TMEM71: variants seen among roughly 807,000 people sequenced by gnomAD.
TMEM71 encodes the protein transmembrane protein 71.
TMEM71 carries 44 observed loss-of-function variants against 38.0 expected under a neutral mutation model. That is an observed-to-expected ratio of 1.16 (90% CI 0.91 to 1.49). TMEM71 has a LOEUF of 1.49. Among genes scored for constraint, TMEM71 ranks in the 40% most tolerant of loss-of-function variants. The pLI, the probability that TMEM71 is intolerant of heterozygous loss-of-function variation, is 0.00. For missense variants in TMEM71, 367 were observed against 348.6 expected, an observed-to-expected ratio of 1.05 and a Z score of -0.42; for synonymous variants, 133 against 122.5, an observed-to-expected ratio of 1.09 and a Z score of -0.56.
Position 132,751,479 on chromosome 8 carries a change from C to T in TMEM71, c.314+306G>A, listed in dbSNP as rs117369391. Among the ~76,000 whole-genome samples, 704 of 152,336 alleles carry T rather than the reference C, an allele frequency of 4.6e-3. 2 individuals are homozygous for T. Among genetic ancestry groups the T allele is most frequent in the Non-Finnish European group, 7.9e-3 (535 of 68,030 alleles). ...CCTGACGGGTTTCTATCCTGGCACC[C>T]GTATTATTTCATTGCTTTCATTTGT... On this transcript the variant is annotated intron_variant, in intron 4 of 9. Coordinates refer to ENST00000677595, the MANE Select transcript of TMEM71 (RefSeq NM_001382403.1).
At chr8:132,719,557 C>A (rs1237184029) in intron 7 of TMEM71, among the ~76,000 whole-genome samples, 2 of 152,188 alleles carry the variant, frequency 1.3e-5, no homozygotes, top group Non-Finnish European at 2.9e-5. Flanking sequence ...TCCAAGCATT[C>A]TGTATGAGGC....
Position 132,710,776 on chromosome 8 carries a change from A to G in TMEM71, c.*191T>C, listed in dbSNP as rs1457845131. ...GGGAAGGCAAATTAATATTATTTTCATGAGCATATTATAATTTTGATGGAA... is the reference window on the plus strand; with the variant it reads ...GGGAAGGCAAATTAATATTATTTTCGTGAGCATATTATAATTTTGATGGAA... On this transcript the variant is annotated 3_prime_UTR_variant, in exon 10 of 10. Transcript: ENST00000677595. 1 of 615,056 alleles carries G rather than the reference A, an allele frequency of 1.6e-6. No individual in the cohort carries two copies. The highest frequency in any genetic ancestry group is 1.9e-5 in the African/African-American group (1 of 52,224). 38.1% of individuals were successfully genotyped at this position (615,056 alleles called of 1,614,324 possible).
chr8:132,721,639 C>T (rs866442988), intron 7 of TMEM71, among the ~76,000 whole-genome samples: 10 of 151,530 alleles, frequency 6.6e-5, no homozygotes, highest in South Asian at 2.1e-4. Flanking sequence ...CTCTGCCTCC[C>T]GGGTTCAAGC....
chr8:132,775,988 C>A, the TMEM71 span, among the ~76,000 whole-genome samples: 1 of 152,276 alleles, frequency 6.6e-6, no homozygotes, highest in Non-Finnish European at 1.5e-5. Context: ...CATTGTCGGT[C>A]TCTATGTCTT....
chr8:132,725,557 A>G (rs1055321694), intron 6 of TMEM71, among the ~76,000 whole-genome samples: 2 of 152,222 alleles, frequency 1.3e-5, no homozygotes, highest in Non-Finnish European at 2.9e-5. Flanking sequence ...AAAATCTTCA[A>G]CTGATACAAC....
intron 7 of TMEM71, among the ~76,000 whole-genome samples, chr8:132,720,151 T>C (rs1243065090): frequency 6.6e-6 from 1 of 152,214 alleles, no homozygotes; most frequent in Non-Finnish European, 1.5e-5. Context: ...AACTTATCTC[T>C]GTTGATGCTG....
At chr8:132,775,536 C>T in the TMEM71 span, 19 of 371,850 alleles carry the variant, frequency 5.1e-5, no homozygotes, top group African/African-American at 2.9e-4. Context: ...GCTCCCTCCC[C>T]GGCCGCTGCC....
chr8:132,721,342 C>A (rs1826831074), intron 7 of TMEM71, among the ~76,000 whole-genome samples: 2 of 152,094 alleles, frequency 1.3e-5, no homozygotes, highest in Admixed American at 6.5e-5. Context: ...TATACAAATA[C>A]AATGGGAAGG....
At chr8:132,765,013 A>T (rs1829345705), upstream of TMEM71, among the ~76,000 whole-genome samples, 1 of 152,198 alleles carries the variant, frequency 6.6e-6, no homozygotes, top group African/African-American at 2.4e-5. Context: ...ACAGGCTACT[A>T]ATCTAGAAGG....
chr8:132,715,178 G>C (rs113188508), intron 7 of TMEM71, among the ~76,000 whole-genome samples: 16,851 of 151,708 alleles, frequency 0.11, 2,585 homozygotes, highest in African/African-American at 0.35. Flanking sequence ...AGGCCGAGGC[G>C]GGCGGATCAC....
chr8:132,719,974 G>A (rs543726530), intron 7 of TMEM71, among the ~76,000 whole-genome samples: 115 of 152,204 alleles, frequency 7.6e-4, no homozygotes, highest in African/African-American at 2.6e-3. Flanking sequence ...ACTTTCCCTG[G>A]TTTTGATGAC....
chr8:132,728,118 A>C, intron 5 of TMEM71, 132 bp from the exon 6 acceptor site: 4 of 641,120 alleles, frequency 6.2e-6, no homozygotes, highest in Non-Finnish European at 1.0e-5. Flanking sequence ...ACGGTATTGC[A>C]CTACCATAGT....
At chr8:132,735,961 C>T (rs1465163863) in intron 5 of TMEM71, among the ~76,000 whole-genome samples, 1 of 152,128 alleles carries the variant, frequency 6.6e-6, no homozygotes, top group Non-Finnish European at 1.5e-5. Context: ...GAAAATGTAA[C>T]CTTATTTAAT....
At chr8:132,738,599 C>CA (rs768454894) in intron 5 of TMEM71, among the ~76,000 whole-genome samples, 3 of 152,120 alleles carry the variant, frequency 2.0e-5, no homozygotes, top group African/African-American at 7.2e-5. Flanking sequence ...TTAAGAGAAT[C>CA]AAAAAATATT....
At chr8:132,748,245 A>G (rs1828502264) in intron 4 of TMEM71, among the ~76,000 whole-genome samples, 1 of 152,248 alleles carries the variant, frequency 6.6e-6, no homozygotes, top group South Asian at 2.1e-4. Context: ...TTGGTGGTTA[A>G]GATGAATTAC....
intron 5 of TMEM71, among the ~76,000 whole-genome samples, chr8:132,737,624 C>T (rs555011520): frequency 6.6e-6 from 1 of 152,296 alleles, no homozygotes; most frequent in African/African-American, 2.4e-5. Flanking sequence ...TTAGCTTCTT[C>T]CCCTGGAAAA....
At chr8:132,720,486 T>C (rs1826780426) in intron 7 of TMEM71, among the ~76,000 whole-genome samples, 1 of 152,182 alleles carries the variant, frequency 6.6e-6, no homozygotes, top group African/African-American at 2.4e-5. Flanking sequence ...GTCTTCCAGT[T>C]TGGGATATAG....
upstream of TMEM71, among the ~76,000 whole-genome samples, chr8:132,761,766 CTA>C (rs989427257): frequency 1.7e-4 from 26 of 152,232 alleles, no homozygotes; most frequent in African/African-American, 4.6e-4. Context: ...TTGTTGGACT[CTA>C]TTACTTTCTT....
chr8:132,736,570 C>T (rs1827758363), intron 5 of TMEM71, among the ~76,000 whole-genome samples: 1 of 152,170 alleles, frequency 6.6e-6, no homozygotes, highest in Non-Finnish European at 1.5e-5. Context: ...TGGCTCACAC[C>T]TGTAATCCCA....
Sources: gnomAD v4.1 joint callset for allele counts (sites outside exome capture counted in the v4.1 genomes callset) on GRCh38, gnomAD v4.1.1 for gene constraint, MANE v1.5 for transcripts, NCBI Gene and HGNC (gene_info 2026-07-23, HGNC 2026-07-21) for gene names.